GNAT3: variants seen among roughly 807,000 people sequenced by gnomAD.
The protein encoded by GNAT3 is guanine nucleotide-binding protein G(t) subunit alpha-3.
In GNAT3, 31 loss-of-function variants were observed where a neutral mutation model predicts 37.7. That is an observed-to-expected ratio of 0.82 (90% CI 0.62 to 1.11). The LOEUF is 1.11. Ranked by LOEUF, GNAT3 falls within the 50% of genes most tolerant of loss-of-function variation. GNAT3 has a pLI of 0.00. For missense variants in GNAT3, 437 were observed against 412.5 expected, an observed-to-expected ratio of 1.06 and a Z score of -0.51; for synonymous variants, 138 against 139.8, an observed-to-expected ratio of 0.99 and a Z score of 0.09.
chr7:80,476,019 A>T (rs553404389), intron 4 of GNAT3, among the ~76,000 whole-genome samples: 98 of 152,210 alleles, frequency 6.4e-4, no homozygotes, highest in Admixed American at 1.0e-3. Context: ...TGAATTTTCT[A>T]TTAATTAAGT....
At chr7:80,480,149 C>G (rs1013940046) in intron 3 of GNAT3, among the ~76,000 whole-genome samples, 1 of 151,938 alleles carries the variant, frequency 6.6e-6, no homozygotes. Context: ...TGGTAATAGC[C>G]CAGGCAAATG....
intron 2 of GNAT3, among the ~76,000 whole-genome samples, chr7:80,489,602 G>A (rs1056977173): frequency 6.6e-6 from 1 of 152,026 alleles, no homozygotes; most frequent in African/African-American, 2.4e-5. Flanking sequence ...AATCTGAACT[G>A]AAAGGAGTAA....
chr7:80,467,950 T>C (rs1166382543), intron 5 of GNAT3, among the ~76,000 whole-genome samples: 1 of 152,084 alleles, frequency 6.6e-6, no homozygotes, highest in Non-Finnish European at 1.5e-5. Context: ...TTTAAGTTTT[T>C]TTTTTAAGGA....
At chr7:80,469,567 A>G (rs1285444711) in intron 5 of GNAT3, among the ~76,000 whole-genome samples, 1 of 152,158 alleles carries the variant, frequency 6.6e-6, no homozygotes, top group Non-Finnish European at 1.5e-5. Flanking sequence ...ATGATACACA[A>G]TTATGATACA....
At chr7:80,488,794 A>G (rs1790536461) in intron 2 of GNAT3, 118 bp from the exon 3 acceptor site, 1 of 652,432 alleles carries the variant, frequency 1.5e-6, no homozygotes. Flanking sequence ...AGGAATTTTG[A>G]CCATACATAT....
At chr7:80,492,385 T>G (rs1161975490) in intron 2 of GNAT3, among the ~76,000 whole-genome samples, 1 of 151,622 alleles carries the variant, frequency 6.6e-6, no homozygotes, top group Admixed American at 6.6e-5. Flanking sequence ...AAATAAAAAA[T>G]AAAATGTTAA....
At chr7:80,470,275 G>A (rs543042644) in intron 5 of GNAT3, among the ~76,000 whole-genome samples, 4 of 152,042 alleles carry the variant, frequency 2.6e-5, no homozygotes, top group Admixed American at 2.6e-4. Context: ...AGGCTAGAGC[G>A]CAGTGGCGCG....
Position 80,506,334 on chromosome 7 carries a change from T to C in GNAT3, c.118+5475A>G, listed in dbSNP as rs929656817. Among the ~76,000 whole-genome samples the C allele has an allele frequency of 5.4e-4, 82 of 152,336 alleles. 1 individual carries two copies. Among genetic ancestry groups the C allele is most frequent in the Admixed American group, 5.4e-3 (82 of 15,308 alleles). On this transcript the variant is annotated intron_variant, in intron 1 of 7. Coordinates refer to ENST00000398291, the MANE Select transcript of GNAT3 (RefSeq NM_001102386.3). ...GGAATGTTTTACTAAATGGTTTGCA[T>C]CTTTTACGCGAGTGCCTTACGAGCC...
Position 80,488,611 on chromosome 7 carries a change from T to G in GNAT3, c.227A>C (p.Asn76Thr). The change falls in exon 3 of 8, where the codon AAT (asparagine) becomes ACT (threonine). Residue 76 changes from asparagine to threonine, a missense_variant. By Grantham distance (65) the Asn-to-Thr change is moderately conservative. Coordinates refer to ENST00000398291, the MANE Select transcript of GNAT3 (RefSeq NM_001102386.3). Reference sequence around the variant, plus strand: ...AATAGCTAGGATGGATTGCAATGTATTACTGTAAATTACTGCTTTGAACTC... The same window carrying G: ...AATAGCTAGGATGGATTGCAATGTAGTACTGTAAATTACTGCTTTGAACTC... ...CMEFKAVIYS[N>T]TLQSILAIVK... 6.3e-7 allele frequency: 1 copy of G among 1,589,384 alleles called. No individual in the cohort carries two copies. The highest frequency in any genetic ancestry group is 8.6e-7 in the Non-Finnish European group (1 of 1,164,492).
chr7:80,460,143 TA>T (rs1790025277), intron 7 of GNAT3, among the ~76,000 whole-genome samples: 1 of 152,068 alleles, frequency 6.6e-6, no homozygotes, highest in East Asian at 1.9e-4. Flanking sequence ...AATTTAGGAA[TA>T]AAAAAATTAG....
At chr7:80,499,222 A>G (rs1261748471) in intron 1 of GNAT3, among the ~76,000 whole-genome samples, 1 of 152,246 alleles carries the variant, frequency 6.6e-6, no homozygotes, top group Non-Finnish European at 1.5e-5. Context: ...CCAAAGTTTC[A>G]GATCTGTCTT....
At chr7:80,486,498 T>C (rs1380350445) in intron 3 of GNAT3, 3 of 151,660 alleles carry the variant, frequency 2.0e-5, no homozygotes, top group Non-Finnish European at 2.9e-5. Flanking sequence ...CAGGCTGGAG[T>C]GCAGTGGCGC....
Position 80,479,641 on chromosome 7 carries a change from G to A in GNAT3, c.304-643C>T, listed in dbSNP as rs1790358690. Among the ~76,000 whole-genome samples, 3 of 147,970 alleles carry A rather than the reference G, an allele frequency of 2.0e-5. No homozygotes were observed. The South Asian group carries it at 6.3e-4, about 31-fold the overall frequency. On this transcript the variant is annotated intron_variant, in intron 3 of 7. Transcript: ENST00000398291. ...TGGGAGAATTGCTTGAGCTTGGGAG[G>A]CAGAGGTTGCAGTGGGCAGAGATTG...
At chr7:80,511,388 T>G (rs551112441) in intron 1 of GNAT3, among the ~76,000 whole-genome samples, 11 of 152,122 alleles carry the variant, frequency 7.2e-5, no homozygotes, top group Non-Finnish European at 1.6e-4. Flanking sequence ...TAACAAACAT[T>G]AACTTCAACG....
intron 2 of GNAT3, among the ~76,000 whole-genome samples, chr7:80,492,926 A>G (rs1790621092): frequency 6.6e-6 from 1 of 151,956 alleles, no homozygotes; most frequent in South Asian, 2.1e-4. Flanking sequence ...ACACTAAAAT[A>G]CATTATCTAT....
At chr7:80,464,003 C>G (rs1336179888) in intron 5 of GNAT3, among the ~76,000 whole-genome samples, 1 of 151,614 alleles carries the variant, frequency 6.6e-6, no homozygotes, top group African/African-American at 2.4e-5. Context: ...CTCATTCATC[C>G]TTTATTCAAT....
At chr7:80,483,297 A>C (rs151230042) in intron 3 of GNAT3, among the ~76,000 whole-genome samples, 1 of 151,942 alleles carries the variant, frequency 6.6e-6, no homozygotes, top group Non-Finnish European at 1.5e-5. Context: ...TCCATTCTTG[A>C]TGTTCTTCTG....
intron 4 of GNAT3, among the ~76,000 whole-genome samples, chr7:80,476,089 A>C (rs916545337): frequency 4.6e-5 from 7 of 151,592 alleles, no homozygotes; most frequent in African/African-American, 9.7e-5. Context: ...AAAAGAAAAC[A>C]AAAAAAACCC....
intron 4 of GNAT3, among the ~76,000 whole-genome samples, chr7:80,475,141 A>G (rs1004831037): frequency 1.3e-5 from 2 of 151,956 alleles, no homozygotes; most frequent in Non-Finnish European, 2.9e-5. Flanking sequence ...TCTTCCATCA[A>G]TGCATCACTG....
Sources: gnomAD v4.1 joint callset for allele counts (sites outside exome capture counted in the v4.1 genomes callset) on GRCh38, gnomAD v4.1.1 for gene constraint, MANE v1.5 for transcripts, NCBI Gene and HGNC (gene_info 2026-07-23, HGNC 2026-07-21) for gene names.